Variants in SND1 observed in about 807,000 individuals in gnomAD.
SND1 encodes the protein staphylococcal nuclease domain-containing protein 1.
Under a neutral mutation model 121.7 loss-of-function variants are expected in SND1, and 38 were observed. The observed-to-expected ratio is 0.31, with a 90% CI of 0.24 to 0.41. The LOEUF is 0.41. Ranked by LOEUF, SND1 falls within the 10% of genes least tolerant of loss-of-function variation. The pLI, the probability that SND1 is intolerant of heterozygous loss-of-function variation, is 1.00. For synonymous variants in SND1, 401 were observed against 447.4 expected, an observed-to-expected ratio of 0.90 and a Z score of 1.31; for missense variants, 868 against 1,184.6, an observed-to-expected ratio of 0.73 and a Z score of 3.92.
chr7:127,794,212 A>T (rs74934198), intron 10 of SND1, among the ~76,000 whole-genome samples: 9,837 of 152,212 alleles, frequency 0.065, 403 homozygotes, highest in Middle Eastern at 0.19. Flanking sequence ...GAATACTTTG[A>T]ATTTGGTGGA....
chr7:127,654,737 A>C (rs1795183310), intron 1 of SND1, among the ~76,000 whole-genome samples: 1 of 152,196 alleles, frequency 6.6e-6, no homozygotes, highest in Non-Finnish European at 1.5e-5. Flanking sequence ...TATAGATTGC[A>C]CTGCCTTCTC....
chr7:127,706,889 A>T (rs1244125099), intron 8 of SND1, among the ~76,000 whole-genome samples: 1 of 152,256 alleles, frequency 6.6e-6, no homozygotes, highest in Non-Finnish European at 1.5e-5. Context: ...TTTCAGAAAT[A>T]ATAGTTCCTT....
chr7:127,866,326 G>T (rs1799475374), intron 12 of SND1, among the ~76,000 whole-genome samples: 1 of 152,166 alleles, frequency 6.6e-6, no homozygotes, highest in African/African-American at 2.4e-5. Context: ...TTACTAAGTT[G>T]GATTATGAGC....
At chr7:128,045,307 A>G (rs1792927702) in intron 16 of SND1, among the ~76,000 whole-genome samples, 1 of 152,196 alleles carries the variant, frequency 6.6e-6, no homozygotes, top group South Asian at 2.1e-4. Flanking sequence ...ATAGAGTTCT[A>G]AGCCATGCTC....
chr7:127,900,821 CTTTGCTGT>C (rs1182901478), intron 13 of SND1, among the ~76,000 whole-genome samples: 1 of 152,182 alleles, frequency 6.6e-6, no homozygotes, highest in East Asian at 1.9e-4. Context: ...CACTGGTAGT[CTTTGCTGT>C]CTTTGTACTG....
intron 12 of SND1, among the ~76,000 whole-genome samples, chr7:127,868,967 A>G (rs1799527266): frequency 6.6e-6 from 1 of 152,182 alleles, no homozygotes; most frequent in South Asian, 2.1e-4. Flanking sequence ...TGATAGAGAG[A>G]TCTATTTTGT....
intron 12 of SND1, among the ~76,000 whole-genome samples, chr7:127,861,501 G>A (rs1396738133): frequency 2.0e-5 from 3 of 152,148 alleles, no homozygotes; most frequent in Non-Finnish European, 4.4e-5. Flanking sequence ...TTGAGACAGA[G>A]TCTCACTCTG....
chr7:127,663,221 T>C (rs1795349593), intron 1 of SND1, among the ~76,000 whole-genome samples: 1 of 152,154 alleles, frequency 6.6e-6, no homozygotes, highest in African/African-American at 2.4e-5. Flanking sequence ...AGGTTACTAA[T>C]AATACCTAAT....
intron 12 of SND1, among the ~76,000 whole-genome samples, chr7:127,881,051 A>G (rs569581094): frequency 3.5e-4 from 54 of 152,230 alleles, no homozygotes; most frequent in Non-Finnish European, 4.6e-4. Context: ...CTTTTCATCT[A>G]TAGTTCTGAG....
intron 3 of SND1, among the ~76,000 whole-genome samples, chr7:127,695,978 A>G (rs1471327340): frequency 6.6e-6 from 1 of 152,172 alleles, no homozygotes; most frequent in African/African-American, 2.4e-5. Flanking sequence ...ATGGAGTTGG[A>G]ACAGAAATAG....
intron 11 of SND1, among the ~76,000 whole-genome samples, chr7:127,826,281 AT>A (rs2116614995): frequency 6.6e-6 from 1 of 152,214 alleles, no homozygotes; most frequent in African/African-American, 2.4e-5. Flanking sequence ...GCTTTATGTT[AT>A]TTTATTCCAT....
At chr7:128,091,063 C>T (rs1793770983) in intron 22 of SND1, among the ~76,000 whole-genome samples, 1 of 152,162 alleles carries the variant, frequency 6.6e-6, no homozygotes, top group African/African-American at 2.4e-5. Context: ...AGAAACAGCA[C>T]CCCTGCCCTG....
chr7:127,995,554 G>T (rs1802627606), intron 16 of SND1, among the ~76,000 whole-genome samples: 1 of 152,228 alleles, frequency 6.6e-6, no homozygotes, highest in Non-Finnish European at 1.5e-5. Flanking sequence ...TGTGGTCCTG[G>T]ATATGTGATT....
intron 15 of SND1, among the ~76,000 whole-genome samples, chr7:127,976,567 G>A (rs1159598419): frequency 6.6e-6 from 1 of 152,196 alleles, no homozygotes; most frequent in Non-Finnish European, 1.5e-5. Context: ...CTGTCCACTG[G>A]CCACAGTGGT....
chr7:127,874,712 G>T (rs1189428727), intron 12 of SND1, among the ~76,000 whole-genome samples: 1 of 152,012 alleles, frequency 6.6e-6, no homozygotes, highest in Admixed American at 6.6e-5. Flanking sequence ...AAAAGAAGGG[G>T]TCATCAGACA....
intron 3 of SND1, among the ~76,000 whole-genome samples, chr7:127,695,988 G>T (rs1377865291): frequency 6.6e-6 from 1 of 152,184 alleles, no homozygotes; most frequent in Admixed American, 6.5e-5. Context: ...AACAGAAATA[G>T]GATGTTGAAA....
At chr7:127,665,405 T>A (rs1795398369) in intron 1 of SND1, among the ~76,000 whole-genome samples, 1 of 152,256 alleles carries the variant, frequency 6.6e-6, no homozygotes, top group Non-Finnish European at 1.5e-5. Flanking sequence ...GCCAGGATAG[T>A]GTCAATCTCC....
At chr7:127,751,354 A>G (rs73723067) in intron 10 of SND1, among the ~76,000 whole-genome samples, 1 of 152,176 alleles carries the variant, frequency 6.6e-6, no homozygotes, top group Admixed American at 6.5e-5. Flanking sequence ...GAATTAGGAC[A>G]GTGTAGTTTC....
At chr7:128,023,198 G>C (rs1320136292) in intron 16 of SND1, among the ~76,000 whole-genome samples, 1 of 152,094 alleles carries the variant, frequency 6.6e-6, no homozygotes, top group Non-Finnish European at 1.5e-5. Context: ...TCCAATTATG[G>C]TGCTTTTTGT....
Sources: allele counts gnomAD v4.1 joint callset (sites outside exome capture counted in the v4.1 genomes callset), GRCh38; gene constraint gnomAD v4.1.1; transcripts MANE v1.5; gene names NCBI Gene and HGNC (gene_info 2026-07-23, HGNC 2026-07-21).